CYTIP: variants seen among roughly 807,000 people sequenced by gnomAD.
The protein encoded by CYTIP is cytohesin 1 interacting protein, also known as cytohesin-interacting protein.
CYTIP carries 26 observed loss-of-function variants against 43.8 expected under a neutral mutation model. The observed-to-expected ratio is 0.59, with a 90% CI of 0.44 to 0.82. CYTIP has a LOEUF of 0.82. Among genes scored for constraint, CYTIP ranks in the 40% least tolerant of loss-of-function variants. The probability of loss-of-function intolerance (pLI) is 0.00; values close to 1 mark genes in which losing one functional copy is unlikely to be tolerated. For synonymous variants in CYTIP, 162 were observed against 162.9 expected, an observed-to-expected ratio of 0.99 and a Z score of 0.04; for missense variants, 426 against 443.1, an observed-to-expected ratio of 0.96 and a Z score of 0.35.
intron 5 of CYTIP, among the ~76,000 whole-genome samples, chr2:157,429,820 G>C (rs1685679087): frequency 6.6e-6 from 1 of 151,914 alleles, no homozygotes. Context: ...TCAGGAGATT[G>C]AGACCATCCT....
chr2:157,442,215 G>A (rs1043154101), intron 1 of CYTIP, among the ~76,000 whole-genome samples: 8 of 152,142 alleles, frequency 5.3e-5, no homozygotes, highest in African/African-American at 1.9e-4. Flanking sequence ...GAGTATTCAT[G>A]TTGTTTTACT....
chr2:157,430,948 C>G lies in CYTIP; in HGVS notation c.294G>C (p.Gln98His). ...FGFEIQSYRPQNQNACSSEMF... is the reference protein window; with the variant it reads ...FGFEIQSYRPHNQNACSSEMF... Reference sequence around the variant, plus strand: ...TTTCCGAGGAGCAGGCATTCTGATTCTGGGGCCTGTAAGACTGTAAAAATT... The same window carrying G: ...TTTCCGAGGAGCAGGCATTCTGATTGTGGGGCCTGTAAGACTGTAAAAATT... The change falls in exon 4 of 8, where the codon CAG becomes CAC. Residue 98 changes from glutamine to histidine, a missense_variant. Coordinates refer to ENST00000264192, the MANE Select transcript of CYTIP (RefSeq NM_004288.5). 2 of 1,613,200 alleles carry G rather than the reference C, an allele frequency of 1.2e-6. No individual in the cohort carries two copies. Among genetic ancestry groups the G allele is most frequent in the East Asian group, 4.5e-5 (2 of 44,878 alleles).
At chr2:157,443,699 C>A in intron 1 of CYTIP, 148 bp downstream of exon 1, 1 of 808,566 alleles carries the variant, frequency 1.2e-6, no homozygotes, top group African/African-American at 1.7e-5. Flanking sequence ...ACCTAGCTCC[C>A]TGAGCATCTC....
chr2:157,434,067 C>T (rs1558940634), intron 3 of CYTIP: 1 of 413,664 alleles, frequency 2.4e-6, no homozygotes, highest in Admixed American at 4.2e-5. Context: ...ATGTATTTCA[C>T]TCTCTTATCT....
intron 6 of CYTIP, among the ~76,000 whole-genome samples, chr2:157,425,544 G>C (rs956691193): frequency 2.6e-5 from 4 of 152,088 alleles, no homozygotes; most frequent in African/African-American, 9.7e-5. Flanking sequence ...AGAGGATGGA[G>C]ATACTGAAAA....
rs142494256 is a variant in CYTIP, at chr2:157,420,588, T to C, written c.547-1999A>G. On this transcript the variant is annotated intron_variant, in intron 6 of 7. Transcript: ENST00000264192. ...ATCACTTAAGCCTGGGAGGTTGAGG[T>C]TACAGTGAGCTATGATCATGCTACT... Among the ~76,000 whole-genome samples the C allele has an allele frequency of 9.8e-3, 1,357 of 138,090 alleles. 21 individuals carry two copies. The highest frequency in any genetic ancestry group is 0.034 in the African/African-American group (1,274 of 37,032). The allele number at this position is 138,090 out of a possible 152,430, so 90.6% of individuals were successfully genotyped here.
At chr2:157,443,651 A>C (rs1434330918) in intron 1 of CYTIP, among the ~76,000 whole-genome samples, 196 bp downstream of exon 1, 2 of 152,188 alleles carry the variant, frequency 1.3e-5, no homozygotes, top group Non-Finnish European at 1.5e-5. Context: ...GCCTTGAAAA[A>C]AAAGTTTGAT....
At chr2:157,439,887 A>T (rs1362529133) in intron 1 of CYTIP, among the ~76,000 whole-genome samples, 2 of 152,210 alleles carry the variant, frequency 1.3e-5, no homozygotes, top group Non-Finnish European at 2.9e-5. Context: ...GTGATTCTAC[A>T]CATTCCTCTT....
At position 157,430,628 on chromosome 2, in the gene CYTIP, C is replaced by A; in HGVS notation, c.407G>T (p.Gly136Val). The A allele has an allele frequency of 6.2e-7, 1 of 1,614,092 alleles. No individual in the cohort carries two copies. Among genetic ancestry groups the A allele is most frequent in the Non-Finnish European group, 8.5e-7 (1 of 1,180,006 alleles). The change falls in exon 5 of 8, where the codon GGT (glycine) becomes GTT (valine). Residue 136 changes from glycine to valine, a missense_variant. Coordinates refer to ENST00000264192, the MANE Select transcript of CYTIP (RefSeq NM_004288.5). ...QAGDVLANIN[G>V]VSTEGFTYKQ... is the part of the protein sequence containing the mutation. ...GTAGGTAAAACCTTCTGTGCTCACA[C>A]CATTGATATTTGCAAGGACATCACC...
chr2:157,418,952 A>G (rs75183519), intron 6 of CYTIP, among the ~76,000 whole-genome samples: 2,890 of 152,354 alleles, frequency 0.019, 105 homozygotes, highest in East Asian at 0.091. Flanking sequence ...GATGAAGACA[A>G]TAATAGAGCC....
At chr2:157,433,024 G>T (rs1168062084) in intron 3 of CYTIP, among the ~76,000 whole-genome samples, 1 of 152,160 alleles carries the variant, frequency 6.6e-6, no homozygotes, top group Non-Finnish European at 1.5e-5. Flanking sequence ...GCTCCACGGA[G>T]AATAAGTGTT....
At chr2:157,420,829 C>T (rs1223872062) in intron 6 of CYTIP, among the ~76,000 whole-genome samples, 2 of 152,064 alleles carry the variant, frequency 1.3e-5, no homozygotes, top group African/African-American at 4.8e-5. Context: ...TTATTTCCTA[C>T]AAGAGACTAG....
chr2:157,416,539 A>G (rs756444644), intron 7 of CYTIP, among the ~76,000 whole-genome samples: 2 of 152,202 alleles, frequency 1.3e-5, no homozygotes, highest in Non-Finnish European at 2.9e-5. Context: ...GTTCCATAGA[A>G]TACACTTGGG....
rs749906265 is a variant in CYTIP, at chr2:157,443,929, G to T, written c.92C>A (p.Thr31Asn). 7 of 1,614,184 alleles carry T rather than the reference G, an allele frequency of 4.3e-6. No individual in the cohort carries two copies. The highest frequency in any genetic ancestry group is 1.7e-5 in the Admixed American group (1 of 60,018). The stretch of plus-strand genomic sequence containing the variant: ...ATTATCGTCCATCGTAAGGCTGCCG[G>T]TGAGTGTGGAGTAAGAGCTATACGC... ...GPAYSSYSTL[T>N]GSLTMDDNRR... Residue 31 changes from threonine (T) to asparagine (N), a missense_variant, in exon 1 of 8, where the codon ACC becomes AAC. Physicochemically the swap from Thr to Asn is moderately conservative, Grantham distance 65. Coordinates refer to ENST00000264192, the MANE Select transcript of CYTIP (RefSeq NM_004288.5).
At chr2:157,431,855 T>G (rs1335413512) in intron 3 of CYTIP, among the ~76,000 whole-genome samples, 1 of 152,224 alleles carries the variant, frequency 6.6e-6, no homozygotes, top group African/African-American at 2.4e-5. Flanking sequence ...CATTCTTTCT[T>G]ATTCAATAAT....
chr2:157,424,608 T>C (rs1685575057), intron 6 of CYTIP, among the ~76,000 whole-genome samples: 2 of 152,122 alleles, frequency 1.3e-5, no homozygotes. Context: ...GGAGAACTGC[T>C]TGAGCCCAGA....
intron 6 of CYTIP, among the ~76,000 whole-genome samples, chr2:157,419,942 A>C (rs1385119247): frequency 6.6e-6 from 1 of 152,252 alleles, no homozygotes. Flanking sequence ...AGCAACCCTT[A>C]TGGTTGCCAA....
intron 7 of CYTIP, among the ~76,000 whole-genome samples, chr2:157,417,607 CA>C (rs1387482676): frequency 6.6e-6 from 1 of 151,218 alleles, no homozygotes; most frequent in African/African-American, 2.4e-5. Flanking sequence ...CTTCACTACC[CA>C]AAAGAACTAT....
At position 157,443,956 on chromosome 2, in the gene CYTIP, G is replaced by A. The variant is rs374550975; in HGVS notation, c.65C>T (p.Pro22Leu). The change falls in exon 1 of 8, where the codon CCA becomes CTA. Residue 22 changes from proline (P) to leucine (L), a missense_variant. Coordinates refer to ENST00000264192, the MANE Select transcript of CYTIP (RefSeq NM_004288.5). ...NGNLADFCAG[P>L]AYSSYSTLTG... ...GAGTGTGGAGTAAGAGCTATACGCT[G>A]GCCCAGCGCAGAAGTCCGCCAAATT... 1 of 1,614,138 alleles carries A rather than the reference G, an allele frequency of 6.2e-7. No individual in the cohort carries two copies. Among genetic ancestry groups the A allele is most frequent in the Non-Finnish European group, 8.5e-7 (1 of 1,179,988 alleles).
Sources: gnomAD v4.1 joint callset for allele counts (sites outside exome capture counted in the v4.1 genomes callset) on GRCh38, gnomAD v4.1.1 for gene constraint, MANE v1.5 for transcripts, NCBI Gene and HGNC (gene_info 2026-07-23, HGNC 2026-07-21) for gene names.